The following IQANK1 variants were observed in gnomAD, a reference collection of about 807,000 sequenced individuals.
IQANK1 encodes IQ motif and ankyrin repeat containing 1, also known as IQ motif and ankyrin repeat domain-containing protein 1.
Under a neutral mutation model 22.6 loss-of-function variants are expected in IQANK1, and 30 were observed. That is an observed-to-expected ratio of 1.33 (90% confidence interval 0.99 to 1.80). The LOEUF is 1.80. IQANK1 is among the 40% of genes most tolerant of loss of function. The pLI is 0.00. For missense variants in IQANK1, 275 were observed against 235.2 expected, an observed-to-expected ratio of 1.17 and a Z score of -1.11; for synonymous variants, 122 against 99.6, an observed-to-expected ratio of 1.23 and a Z score of -1.34.
rs1445451815 is a variant in IQANK1, at chr8:143,740,001, A to T, written c.175+53A>T. 16 of 660,102 alleles carry T rather than the reference A, an allele frequency of 2.4e-5. No individual in the cohort carries two copies. In the East Asian group the frequency reaches 4.2e-4, roughly 17 times the overall value. The allele number at this position is 660,102 out of a possible 1,614,324, so 40.9% of individuals were successfully genotyped here. On this transcript the variant is annotated intron_variant, in intron 3 of 13. Transcript: ENST00000527139. Reference sequence around the variant, plus strand: ...GTGGGTGACCGGGTGAGCTGTTGGCAGGGGGGTGCCCTGGCCCGGGACACG... The same window carrying T: ...GTGGGTGACCGGGTGAGCTGTTGGCTGGGGGGTGCCCTGGCCCGGGACACG...
At position 143,774,177 on chromosome 8, in the gene IQANK1, CAAAAA is replaced by C. The variant is rs61709186; in HGVS notation, c.789+1706_789+1710del. ...TGGACATGACACAAAAAGCACAATC[CAAAAA>C]AAAAAAAAAACCACATTGATAAACA... On this transcript the variant is annotated intron_variant, in intron 7 of 13. Transcript: ENST00000527139. The surrounding 1 kb of genome is among the most constrained non-coding windows in gnomAD (Gnocchi z 4.2). 7.3e-6 allele frequency among the ~76,000 whole-genome samples: 1 copy of C among 136,482 alleles called. No homozygotes were observed. Among genetic ancestry groups the C allele is most frequent in the East Asian group, 2.0e-4 (1 of 4,942 alleles). 89.5% of individuals were successfully genotyped at this position (136,482 alleles called of 152,430 possible).
intron 7 of IQANK1, among the ~76,000 whole-genome samples, chr8:143,781,240 G>A (rs1217667125): frequency 6.6e-6 from 1 of 152,144 alleles, no homozygotes; most frequent in Non-Finnish European, 1.5e-5. Flanking sequence ...CAGATGCATA[G>A]TTTGCAGATA....
chr8:143,736,915 T>A lies in IQANK1; in HGVS notation c.85+977T>A, dbSNP rs536019325. Among the ~76,000 whole-genome samples the A allele has an allele frequency of 5.9e-5, 9 of 152,084 alleles. No individual in the cohort carries two copies. In the East Asian group the frequency reaches 1.7e-3, roughly 29 times the overall value. ...GGTCCTTCAGCACCCAGGCCTGCAC[T>A]GGGGTCTGTGCTTGCTAAGAGAGCA... is the stretch of plus-strand genomic sequence containing the variant. On this transcript the variant is annotated intron_variant, in intron 2 of 13. Coordinates refer to ENST00000527139, the MANE Select transcript of IQANK1 (RefSeq NM_001381874.1).
At chr8:143,746,936 G>C (rs930557437) in intron 3 of IQANK1, among the ~76,000 whole-genome samples, 6 of 152,090 alleles carry the variant, frequency 3.9e-5, no homozygotes, top group Non-Finnish European at 5.9e-5. Flanking sequence ...CTGGAGTGCA[G>C]TGGCACTATC....
At chr8:143,748,486 A>G (rs1241913040) in intron 3 of IQANK1, among the ~76,000 whole-genome samples, 1 of 140,846 alleles carries the variant, frequency 7.1e-6, no homozygotes. Flanking sequence ...ATATATAAAT[A>G]TAGATGATAT....
rs7823975 is a variant in IQANK1, at chr8:143,772,134, C to A, written c.554C>A (p.Ala185Glu). The A allele has an allele frequency of 2.0e-5, 8 of 395,378 alleles. No individual in the cohort carries two copies. Among genetic ancestry groups the A allele is most frequent in the Non-Finnish European group, 3.6e-5 (8 of 224,006 alleles). 24.5% of individuals were successfully genotyped at this position (395,378 alleles called of 1,614,324 possible). Reference sequence around the variant, plus strand: ...CGGCTGCAGCGACGCGTGGCTCTGGCGGAGTGCGAGGACAGCTACGGGAAC... The same window carrying A: ...CGGCTGCAGCGACGCGTGGCTCTGGAGGAGTGCGAGGACAGCTACGGGAAC... ...ARRLQRRVAL[A>E]ECEDSYGNTP... The change falls in exon 6 of 14, where the codon GCG becomes GAG. Residue 185 changes from alanine to glutamate, a missense_variant. Ala to Glu is a moderately radical substitution (Grantham distance 107). Transcript: ENST00000527139.
At chr8:143,753,451 A>T (rs1454890760) in intron 3 of IQANK1, among the ~76,000 whole-genome samples, 1 of 150,210 alleles carries the variant, frequency 6.7e-6, no homozygotes. Context: ...ATTTTTAGGG[A>T]AAGTTTCTTT....
At chr8:143,743,058 C>T (rs781837727) in intron 3 of IQANK1, 62 of 455,988 alleles carry the variant, frequency 1.4e-4, no homozygotes, top group South Asian at 2.6e-4. Context: ...GCCTGTGTCC[C>T]GTTGCTGCTA....
At chr8:143,763,303 C>T (rs574737246) in intron 3 of IQANK1, among the ~76,000 whole-genome samples, 10 of 152,216 alleles carry the variant, frequency 6.6e-5, no homozygotes, top group Non-Finnish European at 1.3e-4. Flanking sequence ...CGTGAGCCAC[C>T]GTGCCCGGCC....
chr8:143,734,503 C>T (rs551193725), intron 1 of IQANK1, among the ~76,000 whole-genome samples: 1 of 151,656 alleles, frequency 6.6e-6, no homozygotes, highest in South Asian at 2.1e-4. Context: ...CATGCGGACC[C>T]CGAATGACCT....
At chr8:143,778,801 C>T (rs1405113692) in intron 7 of IQANK1, among the ~76,000 whole-genome samples, 1 of 152,238 alleles carries the variant, frequency 6.6e-6, no homozygotes, top group East Asian at 1.9e-4. Flanking sequence ...GAGTCTTGCT[C>T]TGTCACCCAG....
intron 3 of IQANK1, among the ~76,000 whole-genome samples, chr8:143,752,821 T>C (rs1262385899): frequency 6.6e-6 from 1 of 152,168 alleles, no homozygotes; most frequent in African/African-American, 2.4e-5. Flanking sequence ...CTCTCTACGA[T>C]GTTCACACAA....
chr8:143,781,958 G>C (rs907574863), intron 7 of IQANK1, among the ~76,000 whole-genome samples: 15 of 152,164 alleles, frequency 9.9e-5, no homozygotes, highest in Non-Finnish European at 1.6e-4. Flanking sequence ...AGCATGGGAT[G>C]TTTTTCTGTT....
At chr8:143,784,619 C>T (rs1819853504) in intron 7 of IQANK1, among the ~76,000 whole-genome samples, 1 of 152,118 alleles carries the variant, frequency 6.6e-6, no homozygotes, top group Non-Finnish European at 1.5e-5. Flanking sequence ...TGCTACATGT[C>T]CATTGAGGGT....
At position 143,790,127 on chromosome 8, in the gene IQANK1, G is replaced by C; in HGVS notation, c.1290-10G>C. 1 of 1,232,066 alleles carries C rather than the reference G, an allele frequency of 8.1e-7. No homozygotes were observed. Among genetic ancestry groups the C allele is most frequent in the Non-Finnish European group, 1.0e-6 (1 of 987,976 alleles). The allele number at this position is 1,232,066 out of a possible 1,614,324, so 76.3% of individuals were successfully genotyped here. A position where few individuals can be genotyped will look rare whatever the true frequency, so the allele number is the denominator to read the frequency against. On this transcript the variant is annotated splice_polypyrimidine_tract_variant and intron_variant, in intron 12 of 13. Transcript: ENST00000527139. ...TGGACAGACAGCAGTGACCTGATGGGTGTCCCCAGGTGGCCTCTTGTTATT... is the reference window on the plus strand; with the variant it reads ...TGGACAGACAGCAGTGACCTGATGGCTGTCCCCAGGTGGCCTCTTGTTATT...
At chr8:143,775,422 G>T (rs1012013711) in intron 7 of IQANK1, among the ~76,000 whole-genome samples, 1 of 150,952 alleles carries the variant, frequency 6.6e-6, no homozygotes, top group Non-Finnish European at 1.5e-5. Context: ...AACAGACTCA[G>T]GGATGACACA....
At chr8:143,777,058 G>A (rs1819699496) in intron 7 of IQANK1, among the ~76,000 whole-genome samples, 1 of 152,088 alleles carries the variant, frequency 6.6e-6, no homozygotes, top group South Asian at 2.1e-4. Flanking sequence ...CCCAGGAGAT[G>A]GAGGCTGAAG....
intron 3 of IQANK1, among the ~76,000 whole-genome samples, chr8:143,756,601 C>T: frequency 6.6e-6 from 1 of 151,966 alleles, no homozygotes; most frequent in East Asian, 1.9e-4. Context: ...GATGACTATC[C>T]CAAATGGTGT....
rs570295002 is a variant in IQANK1 at position 143,774,506 on chromosome 8, G to A, written c.789+2024G>A. On this transcript the variant is annotated intron_variant, in intron 7 of 13. Coordinates refer to ENST00000527139, the MANE Select transcript of IQANK1 (RefSeq NM_001381874.1). The surrounding 1 kb of genome is among the most constrained non-coding windows in gnomAD (Gnocchi z 4.2). ...CCCAGGTCAAACTAGAGCTGGAGCC[G>A]AACGAGGGCAGGGATGTGGGGAAGC... Among the ~76,000 whole-genome samples the A allele has an allele frequency of 3.0e-4, 46 of 152,296 alleles. No homozygotes were observed. Among genetic ancestry groups the A allele is most frequent in the South Asian group, 1.2e-3 (6 of 4,826 alleles).
Sources: allele counts gnomAD v4.1 joint callset (sites outside exome capture counted in the v4.1 genomes callset), GRCh38; gene constraint gnomAD v4.1.1; non-coding constraint Gnocchi (gnomAD v3.1); transcripts MANE v1.5; gene names NCBI Gene and HGNC (gene_info 2026-07-23, HGNC 2026-07-21).